Variants in SFMBT1 observed in about 807,000 individuals in gnomAD.
SFMBT1 encodes scm-like with four MBT domains protein 1.
In SFMBT1, 32 loss-of-function variants were observed where a neutral mutation model predicts 108.7. The observed-to-expected ratio is 0.29, with a 90% confidence interval of 0.22 to 0.40. The LOEUF (loss-of-function observed/expected upper bound fraction) is 0.40. Among genes scored for constraint, SFMBT1 ranks in the 10% least tolerant of loss-of-function variants. SFMBT1 has a pLI of 1.00. For synonymous variants in SFMBT1, 348 were observed against 369.5 expected (o/e 0.94, Z 0.67); for missense variants, 816 against 1,059.6 (o/e 0.77, Z 3.19).
chr3:52,981,500 C>A, intron 1 of SFMBT1, among the ~76,000 whole-genome samples: 1 of 150,740 alleles, frequency 6.6e-6, no homozygotes, highest in African/African-American at 2.4e-5. Context: ...GTAGCTAAGA[C>A]TACAGGCATA....
chr3:52,977,695 A>G (rs990846336), intron 1 of SFMBT1, among the ~76,000 whole-genome samples: 2 of 152,202 alleles, frequency 1.3e-5, no homozygotes, highest in South Asian at 2.1e-4. Context: ...CATATAACCT[A>G]TATCTACATA....
intron 1 of SFMBT1, among the ~76,000 whole-genome samples, chr3:52,991,246 G>A (rs1051636522): frequency 1.1e-4 from 17 of 151,318 alleles, no homozygotes; most frequent in Non-Finnish European, 1.5e-4. Context: ...TCAAATAACA[G>A]CTCTCCATTA....
At chr3:53,040,811 G>T (rs570625519) in intron 1 of SFMBT1, among the ~76,000 whole-genome samples, 62 of 149,386 alleles carry the variant, frequency 4.2e-4, no homozygotes, top group South Asian at 1.1e-3. Context: ...TTTTTTTTTT[G>T]TTTTTATTTA....
In SFMBT1 at chr3:53,019,744, G is replaced by A. The variant is rs372671620; in HGVS notation, c.-131+26072C>T. On this transcript the variant is annotated intron_variant, in intron 1 of 20. Transcript: ENST00000394752. ...CGACCTCCAAACTGTCTCCCTTTCC[G>A]CATTTGGAAGTCCATTCTCCATAGA... 2.9e-4 allele frequency among the ~76,000 whole-genome samples: 44 copies of A among 152,034 alleles called. 5 individuals are homozygous for A. The highest frequency in any genetic ancestry group is 2.2e-3 in the Admixed American group (33 of 15,246).
chr3:52,974,457 A>G (rs1704446898), intron 1 of SFMBT1, among the ~76,000 whole-genome samples: 1 of 152,176 alleles, frequency 6.6e-6, no homozygotes, highest in South Asian at 2.1e-4. Context: ...TACTATAGTC[A>G]ACTGTAACTA....
chr3:52,936,893 CTTTTTTTTT>C (rs5848969), intron 4 of SFMBT1, among the ~76,000 whole-genome samples: 8 of 114,992 alleles, frequency 7.0e-5, no homozygotes, highest in African/African-American at 1.9e-4. Context: ...TTACACATTT[CTTTTTTTTT>C]TTTTTTTTTG....
chr3:52,960,656 T>A (rs1703931045), intron 2 of SFMBT1, among the ~76,000 whole-genome samples: 1 of 152,162 alleles, frequency 6.6e-6, no homozygotes, highest in South Asian at 2.1e-4. Flanking sequence ...TCTATGCATG[T>A]CTGTGTATAT....
At chr3:52,992,043 G>GATA (rs1220591213) in intron 1 of SFMBT1, among the ~76,000 whole-genome samples, 4 of 130,100 alleles carry the variant, frequency 3.1e-5, no homozygotes, top group Non-Finnish European at 7.2e-5. Flanking sequence ...TACCTTCTAG[G>GATA]ATAATCTATT....
chr3:53,040,096 G>A (rs1409971834), intron 1 of SFMBT1, among the ~76,000 whole-genome samples: 4 of 152,078 alleles, frequency 2.6e-5, no homozygotes, highest in Admixed American at 6.6e-5. Flanking sequence ...TAGAAGAACC[G>A]ATCCTTAAGA....
At chr3:53,004,933 G>GT (rs1459224915) in intron 1 of SFMBT1, among the ~76,000 whole-genome samples, 3 of 152,196 alleles carry the variant, frequency 2.0e-5, no homozygotes, top group Non-Finnish European at 4.4e-5. Flanking sequence ...TAGAGGAGAC[G>GT]TAAGTCAGAT....
Position 52,920,657 on chromosome 3 carries a change from A to G in SFMBT1, c.1259-7T>C, listed in dbSNP as rs770404551. 6.6e-7 allele frequency: 1 copy of G among 1,524,474 alleles called. No individual in the cohort carries two copies. The highest frequency in any genetic ancestry group is 1.8e-5 in the Admixed American group (1 of 54,104). The allele number at this position is 1,524,474 out of a possible 1,614,324, so 94.4% of individuals were successfully genotyped here. A position where few individuals can be genotyped will look rare whatever the true frequency, so the allele number is the denominator to read the frequency against. On this transcript the variant is annotated splice_region_variant and splice_polypyrimidine_tract_variant and intron_variant, in intron 11 of 20. Transcript: ENST00000394752. ...GGTATAGGCTTCTTAGAACCTGTTT[A>G]GATTTAAACAAACAAACAAACAAAC...
chr3:53,004,358 T>C (rs1464206040), intron 1 of SFMBT1, among the ~76,000 whole-genome samples: 1 of 149,068 alleles, frequency 6.7e-6, no homozygotes, highest in African/African-American at 2.4e-5. Context: ...CTGAAAGCTC[T>C]ACCTCCTGGG....
chr3:53,019,382 T>TG (rs1699226881), intron 1 of SFMBT1, among the ~76,000 whole-genome samples: 1 of 115,346 alleles, frequency 8.7e-6, no homozygotes, highest in Non-Finnish European at 1.9e-5. Flanking sequence ...GGTGTGTGTG[T>TG]GTGTGGGGGG....
At chr3:53,004,645 T>C (rs1216192727) in intron 1 of SFMBT1, among the ~76,000 whole-genome samples, 2 of 150,254 alleles carry the variant, frequency 1.3e-5, no homozygotes, top group Non-Finnish European at 3.0e-5. Context: ...CTTTTAATTA[T>C]GGTAGACAAC....
chr3:52,914,496 G>A (rs1229392403), intron 14 of SFMBT1, among the ~76,000 whole-genome samples: 4 of 152,126 alleles, frequency 2.6e-5, no homozygotes, highest in Admixed American at 6.5e-5. Context: ...GGAGGCCAAC[G>A]GGGGAGCACA....
chr3:52,924,202 A>G (rs559851660), intron 10 of SFMBT1, among the ~76,000 whole-genome samples: 1 of 152,284 alleles, frequency 6.6e-6, no homozygotes, highest in African/African-American at 2.4e-5. Flanking sequence ...CTGTTACAGG[A>G]AGGTACTGAG....
chr3:52,933,529 T>C (rs1702920306), intron 5 of SFMBT1, among the ~76,000 whole-genome samples: 1 of 152,098 alleles, frequency 6.6e-6, no homozygotes, highest in South Asian at 2.1e-4. Flanking sequence ...AAGGGACATA[T>C]GAAAAAGTGG....
At chr3:52,997,719 A>C (rs1030549065) in intron 1 of SFMBT1, among the ~76,000 whole-genome samples, 1 of 150,470 alleles carries the variant, frequency 6.6e-6, no homozygotes, top group Non-Finnish European at 1.5e-5. Context: ...AAAATACATC[A>C]GTGGTTTCCC....
At chr3:52,958,189 G>A (rs1285951598) in intron 2 of SFMBT1, among the ~76,000 whole-genome samples, 1 of 152,052 alleles carries the variant, frequency 6.6e-6, no homozygotes, top group African/African-American at 2.4e-5. Context: ...ACATTTATGT[G>A]GGCAACAAAC....
Sources: allele counts gnomAD v4.1 joint callset (sites outside exome capture counted in the v4.1 genomes callset), GRCh38; gene constraint gnomAD v4.1.1; transcripts MANE v1.5; gene names NCBI Gene and HGNC (gene_info 2026-07-23, HGNC 2026-07-21).